Variants in THOC7 observed in about 807,000 individuals in gnomAD.
THOC7 encodes NIF3L1-binding protein 1.
Under a neutral mutation model 33.1 loss-of-function variants are expected in THOC7, and 22 were observed. That is an observed-to-expected ratio of 0.66 (90% confidence interval 0.47 to 0.95). The LOEUF (loss-of-function observed/expected upper bound fraction) is 0.95, where lower values mean the gene tolerates loss of function less well. Ranked by LOEUF, THOC7 falls within the 40% of genes least tolerant of loss-of-function variation. The pLI is 0.00. For missense variants in THOC7, 184 were observed against 245.3 expected (o/e 0.75, Z 1.67); for synonymous variants, 77 against 76.8 (o/e 1.00, Z -0.01).
intron 1 of THOC7, among the ~76,000 whole-genome samples, chr3:63,862,283 T>A (rs1575819198): frequency 6.6e-6 from 1 of 152,242 alleles, no homozygotes; most frequent in East Asian, 1.9e-4. Flanking sequence ...GTCCAATATC[T>A]ATTTATTCTT....
chr3:63,851,581 G>T, intron 1 of THOC7, among the ~76,000 whole-genome samples: 1 of 152,192 alleles, frequency 6.6e-6, no homozygotes, highest in East Asian at 1.9e-4. Flanking sequence ...TAAATCTTCC[G>T]TGGGTATAAT....
intron 1 of THOC7, among the ~76,000 whole-genome samples, chr3:63,850,579 T>G (rs1477501346): frequency 6.7e-6 from 1 of 148,162 alleles, no homozygotes; most frequent in Non-Finnish European, 1.5e-5. Context: ...TATCTTTCTT[T>G]CTTTCCTTTT....
intron 1 of THOC7, among the ~76,000 whole-genome samples, chr3:63,841,554 G>C (rs1559604219): frequency 6.6e-6 from 1 of 152,098 alleles, no homozygotes; most frequent in Non-Finnish European, 1.5e-5. Flanking sequence ...AAGGCAGATG[G>C]CTCCAGTTTT....
chr3:63,864,297 G>A (rs1702333913), upstream of THOC7, among the ~76,000 whole-genome samples: 1 of 151,902 alleles, frequency 6.6e-6, no homozygotes, highest in Admixed American at 6.5e-5. Flanking sequence ...GCTAGGGGTG[G>A]GCTCGTTTCC....
intron 1 of THOC7, among the ~76,000 whole-genome samples, chr3:63,842,205 T>C (rs1701776128): frequency 6.6e-6 from 1 of 152,058 alleles, no homozygotes; most frequent in African/African-American, 2.4e-5. Flanking sequence ...CCAACAGGTA[T>C]ATGAAAAAAT....
Position 63,852,691 on chromosome 3 carries a change from T to C in THOC7, c.19+11081A>G, listed in dbSNP as rs73831996. 5.1e-3 allele frequency among the ~76,000 whole-genome samples: 780 copies of C among 152,238 alleles called. 6 individuals carry two copies. Among genetic ancestry groups the C allele is most frequent in the African/African-American group, 0.018 (742 of 41,536 alleles). On this transcript the variant is annotated intron_variant, in intron 1 of 7. Transcript: ENST00000295899. ...ATACTATACTTGTACATCTTGCTGG[T>C]AGGAAACTGGGAGTTGCTAAAGATT...
chr3:63,861,075 T>C (rs953153793), intron 1 of THOC7: 1 of 152,184 alleles, frequency 6.6e-6, no homozygotes, highest in Admixed American at 6.5e-5. Flanking sequence ...ATATTAATTA[T>C]TATGTGTTGG....
At chr3:63,856,881 C>G (rs1702125599) in intron 1 of THOC7, among the ~76,000 whole-genome samples, 1 of 152,132 alleles carries the variant, frequency 6.6e-6, no homozygotes. Flanking sequence ...CCACGCCCAG[C>G]TAATTCTTTT....
chr3:63,861,706 T>C (rs1293905740), intron 1 of THOC7: 1 of 152,132 alleles, frequency 6.6e-6, no homozygotes, highest in Non-Finnish European at 1.5e-5. Flanking sequence ...ACGTAAACGT[T>C]AGTAAGTGGC....
intron 1 of THOC7, among the ~76,000 whole-genome samples, chr3:63,861,157 T>C (rs568372887): frequency 9.2e-5 from 14 of 152,226 alleles, no homozygotes; most frequent in South Asian, 6.2e-4. Flanking sequence ...GATTTTATTA[T>C]TATCTCCGTT....
intron 1 of THOC7, chr3:63,845,020 C>T: frequency 1.4e-6 from 1 of 697,002 alleles, no homozygotes; most frequent in Non-Finnish European, 2.6e-6. Flanking sequence ...TGTCTCTTGA[C>T]AGATGACCAC....
chr3:63,863,352 G>A (rs1408795108), intron 1 of THOC7, among the ~76,000 whole-genome samples: 2 of 152,000 alleles, frequency 1.3e-5, no homozygotes, highest in African/African-American at 4.8e-5. Flanking sequence ...CCCTAAGCCC[G>A]GCACCACTGT....
rs1353530771 is a variant in THOC7 at position 63,838,477 on chromosome 3, G to C, written c.160C>G (p.Leu54Val). ...AATTCACATTGAGACAGCGTGCTCA[G>C]CATACGTTGGTACTGGCTATATCTA... ...EEGYSQYQRM[L>V]STLSQCEFSM... Residue 54 changes from leucine to valine, a missense_variant, in exon 3 of 8, where the codon CTG (leucine) becomes GTG (valine). Around this residue, in one of 3 missense-constraint regions of THOC7, gnomAD observed 157 missense variants for 201.3 expected, o/e 0.78. Transcript: ENST00000295899. 1.2e-6 allele frequency: 2 copies of C among 1,608,738 alleles called. No homozygotes were observed. Among genetic ancestry groups the C allele is most frequent in the Non-Finnish European group, 1.7e-6 (2 of 1,178,556 alleles).
intron 1 of THOC7, among the ~76,000 whole-genome samples, chr3:63,856,961 A>G (rs905405954): frequency 1.3e-5 from 2 of 152,056 alleles, no homozygotes; most frequent in African/African-American, 2.4e-5. Flanking sequence ...CTCGTGACCT[A>G]CCCGCCTCGG....
At chr3:63,847,268 C>G (rs991960620) in intron 1 of THOC7, among the ~76,000 whole-genome samples, 1 of 152,052 alleles carries the variant, frequency 6.6e-6, no homozygotes, top group Non-Finnish European at 1.5e-5. Flanking sequence ...GAAAAATAAC[C>G]AAATTTCCTT....
At chr3:63,844,750 G>A (rs1701849976) in intron 1 of THOC7, among the ~76,000 whole-genome samples, 1 of 152,294 alleles carries the variant, frequency 6.6e-6, no homozygotes, top group Middle Eastern at 3.4e-3. Flanking sequence ...TTATGACACA[G>A]CAAGAAGACC....
chr3:63,848,785 T>G (rs147904371), intron 1 of THOC7: 1 of 152,220 alleles, frequency 6.6e-6, no homozygotes, highest in Non-Finnish European at 1.5e-5. Flanking sequence ...ATTTGAAACA[T>G]TGCTGTTTTT....
chr3:63,863,820 C>T, upstream of THOC7: 1 of 1,232,624 alleles, frequency 8.1e-7, no homozygotes, highest in Non-Finnish European at 1.0e-6. Flanking sequence ...GCGGCGGCGG[C>T]GGCGCAAGCT....
rs552047074 is a variant in THOC7 at position 63,837,047 on chromosome 3, GA to G, written c.353-690del. Among the ~76,000 whole-genome samples, 58 of 145,574 alleles carry G rather than the reference GA, an allele frequency of 4.0e-4. No individual in the cohort carries two copies. In the East Asian group the frequency reaches 7.0e-3, roughly 18 times the overall value. ...AACTTCACCATACACATTTTAAACT[GA>G]AAAAAAAAACTTGTAAAAAGAGGAA... On this transcript the variant is annotated intron_variant, in intron 4 of 7. Transcript: ENST00000295899.
Sources: allele counts gnomAD v4.1 joint callset (sites outside exome capture counted in the v4.1 genomes callset), GRCh38; gene constraint gnomAD v4.1.1; regional missense constraint gnomAD v4.1.1; transcripts MANE v1.5; gene names NCBI Gene and HGNC (gene_info 2026-07-23, HGNC 2026-07-21).